CELF5: variants seen among roughly 807,000 people sequenced by gnomAD.
The protein encoded by CELF5 is CUG-BP and ETR-3 like factor 5.
A neutral mutation model predicts 54.9 loss-of-function variants in CELF5; 6 were observed. The observed-to-expected ratio is 0.11, with a 90% CI of 0.06 to 0.22. The LOEUF (loss-of-function observed/expected upper bound fraction) is 0.22, where lower values mean the gene tolerates loss of function less well. Ranked by LOEUF, CELF5 falls within the 10% of genes least tolerant of loss-of-function variation. The probability of loss-of-function intolerance (pLI) is 1.00; values close to 1 mark genes in which losing one functional copy is unlikely to be tolerated. For missense variants in CELF5, 401 were observed against 678.6 expected (o/e 0.59, Z 4.54); for synonymous variants, 271 against 290.9 (o/e 0.93, Z 0.70).
At position 3,281,151 on chromosome 19, in the gene CELF5, G is replaced by T. The variant is rs368475; in HGVS notation, c.604-48G>T. ...ATGAATCCAGGGACCCCAGAGTCCT[G>T]GCTACCTCCCAGCCCGTTTCCCTCC... On this transcript the variant is annotated intron_variant, in intron 5 of 12. Coordinates refer to ENST00000292672, the MANE Select transcript of CELF5 (RefSeq NM_021938.4). This position sits in a 1 kb window ranked among gnomAD's most constrained non-coding sequence, Gnocchi z 6.5. 122,345 of 1,583,086 alleles carry T rather than the reference G, an allele frequency of 0.077. 5,563 individuals carry two copies. The highest frequency in any genetic ancestry group is 0.092 in the Non-Finnish European group (107,481 of 1,165,968).
rs2079877191 is a variant in CELF5, at chr19:3,266,054, A to G, written c.343-7818A>G. Among the ~76,000 whole-genome samples, 3 of 152,290 alleles carry G rather than the reference A, an allele frequency of 2.0e-5. No individual in the cohort carries two copies. The South Asian group carries it at 6.2e-4, about 32-fold the overall frequency. ...ACTCCTGACCTCAGGTGATCTGCCCATCTTGACCTCTGAAAGTGCTGGAAT... is the reference window on the plus strand; with the variant it reads ...ACTCCTGACCTCAGGTGATCTGCCCGTCTTGACCTCTGAAAGTGCTGGAAT... On this transcript the variant is annotated intron_variant, in intron 2 of 12. Transcript: ENST00000292672.
At chr19:3,234,274 T>A (rs1917416547) in intron 1 of CELF5, among the ~76,000 whole-genome samples, 1 of 152,064 alleles carries the variant, frequency 6.6e-6, no homozygotes, top group African/African-American at 2.4e-5. Context: ...TCTCCCTCCC[T>A]CTTTCAAGAG....
chr19:3,250,891 GGGTT>G, intron 1 of CELF5, 90 bp from the exon 2 acceptor site: 3 of 610,994 alleles, frequency 4.9e-6, no homozygotes, highest in East Asian at 3.0e-5. Context: ...ATGGAAGCTT[GGGTT>G]GCTTCCACCT....
chr19:3,247,272 C>T (rs1439410419), intron 1 of CELF5, among the ~76,000 whole-genome samples: 2 of 151,390 alleles, frequency 1.3e-5, no homozygotes, highest in African/African-American at 4.9e-5. Context: ...GACTACAGGC[C>T]CCTGCCACCA....
intron 2 of CELF5, among the ~76,000 whole-genome samples, chr19:3,254,579 A>G (rs1445727746): frequency 6.7e-6 from 1 of 149,310 alleles, no homozygotes; most frequent in African/African-American, 2.5e-5. Flanking sequence ...CCATCAATTC[A>G]TCCATCCATC....
chr19:3,255,089 A>T (rs1166259395), intron 2 of CELF5, among the ~76,000 whole-genome samples: 2 of 152,078 alleles, frequency 1.3e-5, no homozygotes, highest in African/African-American at 4.8e-5. Flanking sequence ...AACTCCCATC[A>T]TCAGTTCTGT....
rs770986558 is a variant in CELF5, at chr19:3,284,942, C to T, written c.1080C>T (p.Phe360=). The change falls in exon 9 of 13, where the codon TTC becomes TTT. Residue 360 remains phenylalanine (F), a synonymous_variant. Coordinates refer to ENST00000292672, the MANE Select transcript of CELF5 (RefSeq NM_021938.4). ...TGGCCGAGACACTGCATCCTGCCTT[C>T]TCCGGAGTCCAGCAGTACACAGGTA... ...PTVAETLHPA[F]SGVQQYTAMY... 6.2e-7 allele frequency: 1 copy of T among 1,612,738 alleles called. No individual in the cohort carries two copies. The highest frequency in any genetic ancestry group is 8.5e-7 in the Non-Finnish European group (1 of 1,179,636).
intron 1 of CELF5, among the ~76,000 whole-genome samples, chr19:3,229,216 A>T (rs1413946866): frequency 6.6e-6 from 1 of 151,906 alleles, no homozygotes; most frequent in Admixed American, 6.6e-5. Flanking sequence ...AGTGGGCTAG[A>T]TGTTAATCCG....
At chr19:3,253,415 C>G (rs900061707) in intron 2 of CELF5, among the ~76,000 whole-genome samples, 2 of 152,252 alleles carry the variant, frequency 1.3e-5, no homozygotes, top group East Asian at 3.9e-4. Flanking sequence ...AAGCTGGCTC[C>G]CTCTAGTGAC....
At chr19:3,257,154 T>G (rs972715830) in intron 2 of CELF5, among the ~76,000 whole-genome samples, 3 of 152,108 alleles carry the variant, frequency 2.0e-5, no homozygotes, top group Non-Finnish European at 4.4e-5. Context: ...AAGGCCTCTC[T>G]GAGGAGATGG....
At chr19:3,271,710 C>G (rs1424612979) in intron 2 of CELF5, among the ~76,000 whole-genome samples, 1 of 151,588 alleles carries the variant, frequency 6.6e-6, no homozygotes, top group Non-Finnish European at 1.5e-5. Flanking sequence ...AGGAGGGAAG[C>G]TGAGGGGGTG....
intron 2 of CELF5, among the ~76,000 whole-genome samples, chr19:3,253,088 T>TA (rs2079672735): frequency 6.9e-6 from 1 of 144,638 alleles, no homozygotes; most frequent in Admixed American, 7.0e-5. Context: ...AACCAGAAGC[T>TA]AAAAAAGTAC....
intron 1 of CELF5, among the ~76,000 whole-genome samples, chr19:3,240,927 G>A (rs1480195281): frequency 2.6e-5 from 4 of 152,048 alleles, no homozygotes; most frequent in Admixed American, 6.6e-5. Flanking sequence ...CCAGCTGCCC[G>A]GGCTGGAGAA....
At position 3,290,298 on chromosome 19, in the gene CELF5, G is replaced by C; in HGVS notation, c.1254G>C (p.Gln418His). Residue 418 changes from glutamine to histidine, a missense_variant, in exon 11 of 13, where the codon CAG becomes CAC. This residue lies in a region of CELF5 where 59 missense variants were observed against 128.8 expected (regional missense o/e 0.46). Coordinates refer to ENST00000292672, the MANE Select transcript of CELF5 (RefSeq NM_021938.4). Reference sequence around the variant, plus strand: ...AGTTTGGAGACACGGAGCTGACGCAGATGTTCCTACCCTTCGGCAATATCA... The same window carrying C: ...AGTTTGGAGACACGGAGCTGACGCACATGTTCCTACCCTTCGGCAATATCA... ...PQEFGDTELT[Q>H]MFLPFGNIIS... The C allele has an allele frequency of 6.2e-7, 1 of 1,614,002 alleles. No individual in the cohort carries two copies. The highest frequency in any genetic ancestry group is 8.5e-7 in the Non-Finnish European group (1 of 1,179,958).
intron 10 of CELF5, among the ~76,000 whole-genome samples, chr19:3,289,455 G>A (rs1300387098): frequency 6.6e-6 from 1 of 152,018 alleles, no homozygotes; most frequent in African/African-American, 2.4e-5. Flanking sequence ...GCCAAGGCGG[G>A]CAGATCACTT....
chr19:3,225,304 A>C (rs1228321403), intron 1 of CELF5, among the ~76,000 whole-genome samples: 17 of 62,020 alleles, frequency 2.7e-4, no homozygotes, highest in South Asian at 7.9e-4. Context: ...CTTCTCTCCC[A>C]TCTCCCTCGA....
At chr19:3,226,644 G>C (rs991392675) in intron 1 of CELF5, among the ~76,000 whole-genome samples, 1 of 152,138 alleles carries the variant, frequency 6.6e-6, no homozygotes, top group African/African-American at 2.4e-5. Context: ...AAAGATTCCC[G>C]TGGGAATGGG....
chr19:3,286,116 G>A, intron 10 of CELF5, 91 bp downstream of exon 10: 1 of 1,169,034 alleles, frequency 8.6e-7, no homozygotes, highest in Non-Finnish European at 1.1e-6. Flanking sequence ...GGGCCTCTGG[G>A]ACCCGCGGGG....
intron 2 of CELF5, among the ~76,000 whole-genome samples, chr19:3,259,710 A>G (rs1316221423): frequency 1.3e-5 from 2 of 151,950 alleles, no homozygotes; most frequent in African/African-American, 4.8e-5. Flanking sequence ...GGGGGTCTCA[A>G]TCAGGGGTGA....
Sources: gnomAD v4.1 joint callset for allele counts (sites outside exome capture counted in the v4.1 genomes callset) on GRCh38, gnomAD v4.1.1 for gene constraint, gnomAD v4.1.1 regional missense constraint, Gnocchi (gnomAD v3.1) non-coding constraint, MANE v1.5 for transcripts, NCBI Gene and HGNC (gene_info 2026-07-23, HGNC 2026-07-21) for gene names.